The following SCFD2 variants were observed in gnomAD, a reference collection of about 807,000 sequenced individuals.
The protein encoded by SCFD2 is sec1 family domain-containing protein 2.
In SCFD2, 54 loss-of-function variants were observed where a neutral mutation model predicts 58.9. The observed-to-expected ratio is 0.92, with a 90% CI of 0.74 to 1.15. The LOEUF (loss-of-function observed/expected upper bound fraction) is 1.15, where lower values mean the gene tolerates loss of function less well. SCFD2 is among the 50% of genes most tolerant of loss of function. The probability of loss-of-function intolerance (pLI) is 0.00; values close to 1 mark genes in which losing one functional copy is unlikely to be tolerated. For missense variants in SCFD2, 805 were observed against 836.6 expected, an observed-to-expected ratio of 0.96 and a Z score of 0.47; for synonymous variants, 321 against 335.9, an observed-to-expected ratio of 0.96 and a Z score of 0.49.
chr4:53,086,227 G>A (rs1425782852), intron 5 of SCFD2, among the ~76,000 whole-genome samples: 1 of 152,126 alleles, frequency 6.6e-6, no homozygotes, highest in Non-Finnish European at 1.5e-5. Context: ...CAAAACATCT[G>A]AATAGACATT....
chr4:53,113,566 C>T (rs1191738105), intron 5 of SCFD2, among the ~76,000 whole-genome samples: 1 of 151,872 alleles, frequency 6.6e-6, no homozygotes, highest in Non-Finnish European at 1.5e-5. Context: ...ATTTAGAAAC[C>T]CCACTAGAAT....
At chr4:53,325,055 C>G (rs13434797) in intron 2 of SCFD2, among the ~76,000 whole-genome samples, 210 of 152,280 alleles carry the variant, frequency 1.4e-3, no homozygotes, top group African/African-American at 4.9e-3. Context: ...CCCTCTATCT[C>G]CAACCCTAAC....
At chr4:53,337,680 AGGAAAAT>A (rs1457396194) in intron 2 of SCFD2, among the ~76,000 whole-genome samples, 1 of 152,232 alleles carries the variant, frequency 6.6e-6, no homozygotes, top group Admixed American at 6.5e-5. Context: ...TTCCATCAAC[AGGAAAAT>A]GGTAAGGTAA....
At chr4:53,212,510 T>C (rs1391203008) in intron 4 of SCFD2, among the ~76,000 whole-genome samples, 4 of 150,548 alleles carry the variant, frequency 2.7e-5, no homozygotes, top group Admixed American at 1.3e-4. Context: ...AATTTGCCCA[T>C]GAACAAAGAA....
Position 53,190,628 on chromosome 4 carries a change from G to A in SCFD2, c.1312-45046C>T, listed in dbSNP as rs189797153. 6.6e-5 allele frequency among the ~76,000 whole-genome samples: 10 copies of A among 151,914 alleles called. No individual in the cohort carries two copies. The South Asian group carries it at 1.2e-3, about 19-fold the overall frequency. Reference sequence around the variant, plus strand: ...GATTCACTTATTTATTTTCTTCATCGTCTATCTGTCTTCCCATACTAAAAG... The same window carrying A: ...GATTCACTTATTTATTTTCTTCATCATCTATCTGTCTTCCCATACTAAAAG... On this transcript the variant is annotated intron_variant, in intron 4 of 8. Transcript: ENST00000401642.
chr4:53,333,287 G>A (rs528444543), intron 2 of SCFD2, among the ~76,000 whole-genome samples: 10 of 149,712 alleles, frequency 6.7e-5, no homozygotes, highest in Non-Finnish European at 1.3e-4. Flanking sequence ...GCCCGCCATC[G>A]CCAAGGCAAT....
At chr4:53,277,866 C>T (rs570748649) in intron 3 of SCFD2, among the ~76,000 whole-genome samples, 13 of 150,760 alleles carry the variant, frequency 8.6e-5, no homozygotes, top group African/African-American at 3.2e-4. Context: ...TCCTGGCTAA[C>T]ACGGTGAAAC....
chr4:52,967,978 G>C (rs1720998203), intron 5 of SCFD2, among the ~76,000 whole-genome samples: 1 of 152,148 alleles, frequency 6.6e-6, no homozygotes, highest in South Asian at 2.1e-4. Context: ...CAACTACAAG[G>C]AAGATGGCTC....
At chr4:53,334,096 AAAC>A (rs1733594567) in intron 2 of SCFD2, among the ~76,000 whole-genome samples, 1 of 152,200 alleles carries the variant, frequency 6.6e-6, no homozygotes, top group South Asian at 2.1e-4. Context: ...AAAAATCAGG[AAAC>A]AACACGTGCT....
chr4:53,132,825 A>G (rs1725826748), intron 5 of SCFD2, among the ~76,000 whole-genome samples: 2 of 152,324 alleles, frequency 1.3e-5, no homozygotes, highest in East Asian at 3.8e-4. Flanking sequence ...TCAAGGTTTA[A>G]GGGACAATTT....
chr4:53,053,884 C>G (rs1386641135), intron 5 of SCFD2, among the ~76,000 whole-genome samples: 1 of 152,082 alleles, frequency 6.6e-6, no homozygotes, highest in Non-Finnish European at 1.5e-5. Flanking sequence ...TTTTAAAGAT[C>G]AAATCAGTAT....
At chr4:52,938,244 T>C (rs1345151198) in intron 5 of SCFD2, among the ~76,000 whole-genome samples, 3 of 152,182 alleles carry the variant, frequency 2.0e-5, no homozygotes, top group Admixed American at 1.3e-4. Flanking sequence ...ATTATCCCCA[T>C]TTCACAGATG....
intron 5 of SCFD2, among the ~76,000 whole-genome samples, chr4:53,082,039 T>A (rs532428493): frequency 6.6e-6 from 1 of 152,346 alleles, no homozygotes; most frequent in African/African-American, 2.4e-5. Context: ...CAGTACTTCA[T>A]CTATTTTCAT....
intron 3 of SCFD2, among the ~76,000 whole-genome samples, chr4:53,298,084 G>C (rs1732110727): frequency 6.6e-6 from 1 of 152,154 alleles, no homozygotes; most frequent in Non-Finnish European, 1.5e-5. Context: ...ACTGGGGAGT[G>C]CCGGACAGTG....
At chr4:52,880,899 T>G (rs376917676) in intron 8 of SCFD2, among the ~76,000 whole-genome samples, 4 of 152,244 alleles carry the variant, frequency 2.6e-5, no homozygotes, top group Non-Finnish European at 4.4e-5. Flanking sequence ...TGTCTGGCCA[T>G]GGAGTCCCAC....
chr4:53,061,612 C>T (rs972434846), intron 5 of SCFD2, among the ~76,000 whole-genome samples: 3 of 152,052 alleles, frequency 2.0e-5, no homozygotes, highest in Non-Finnish European at 4.4e-5. Flanking sequence ...CATGGTTCTG[C>T]CTTCTGTTGC....
At chr4:52,996,819 G>C (rs1238348828) in intron 5 of SCFD2, among the ~76,000 whole-genome samples, 3 of 152,170 alleles carry the variant, frequency 2.0e-5, no homozygotes, top group Non-Finnish European at 4.4e-5. Context: ...AAGGAGCAAG[G>C]TCAGCAGCCA....
chr4:53,352,089 C>T lies in SCFD2; in HGVS notation c.1007+509G>A, dbSNP rs571549986. On this transcript the variant is annotated intron_variant, in intron 2 of 8. Coordinates refer to ENST00000401642, the MANE Select transcript of SCFD2 (RefSeq NM_152540.4). ...TGGAGAAATTCTTATTTTTTAAACT[C>T]TGCATAACAACGTACATAATCTTCT... Among the ~76,000 whole-genome samples, 6 of 152,198 alleles carry T rather than the reference C, an allele frequency of 3.9e-5. No individual in the cohort carries two copies. The South Asian group carries it at 1.2e-3, about 32-fold the overall frequency.
intron 5 of SCFD2, among the ~76,000 whole-genome samples, chr4:52,955,104 CCCTGT>C (rs1334499761): frequency 6.6e-6 from 1 of 152,210 alleles, no homozygotes; most frequent in Non-Finnish European, 1.5e-5. Context: ...ACAAGGGCAG[CCCTGT>C]TTAGGAGGAA....
Sources: allele counts gnomAD v4.1 joint callset (sites outside exome capture counted in the v4.1 genomes callset), GRCh38; gene constraint gnomAD v4.1.1; transcripts MANE v1.5; gene names NCBI Gene and HGNC (gene_info 2026-07-23, HGNC 2026-07-21).